Variants in COPG2 observed in about 807,000 individuals in gnomAD.
COPG2 encodes the protein coat protein complex I subunit gamma 2, also known as coatomer subunit gamma-2.
In COPG2, 37 loss-of-function variants were observed where a neutral mutation model predicts 46.3. The ratio of observed to expected loss-of-function variants is 0.80; its 90% CI spans 0.61 to 1.05. The LOEUF (loss-of-function observed/expected upper bound fraction) is 1.05. COPG2 is among the 50% of genes least tolerant of loss of function. The pLI, the probability that COPG2 is intolerant of heterozygous loss-of-function variation, is 0.00. For missense variants in COPG2, 427 were observed against 387.8 expected (o/e 1.10, Z -0.85); for synonymous variants, 159 against 129.7 (o/e 1.23, Z -1.53).
intron 9 of COPG2, among the ~76,000 whole-genome samples, chr7:130,601,689 A>G (rs1376269347): frequency 6.6e-6 from 1 of 152,204 alleles, no homozygotes; most frequent in African/African-American, 2.4e-5. Context: ...GGGGAGGGAT[A>G]GCGTTAGGAG....
intron 9 of COPG2, among the ~76,000 whole-genome samples, chr7:130,585,516 G>C (rs1554447859): frequency 6.6e-6 from 1 of 152,002 alleles, no homozygotes; most frequent in East Asian, 1.9e-4. Flanking sequence ...GGAACAGTCA[G>C]CAGAGTAAAG....
At chr7:130,592,223 C>T (rs1432096520) in intron 9 of COPG2, among the ~76,000 whole-genome samples, 2 of 151,970 alleles carry the variant, frequency 1.3e-5, no homozygotes, top group Admixed American at 6.6e-5. Flanking sequence ...TAAGAGTCAT[C>T]GCCACTCCCT....
chr7:130,539,768 G>A (rs1799918189), intron 20 of COPG2, among the ~76,000 whole-genome samples: 1 of 152,196 alleles, frequency 6.6e-6, no homozygotes, highest in African/African-American at 2.4e-5. Context: ...ATGGAGGGCA[G>A]AAAGCATGGT....
At position 130,597,474 on chromosome 7, in the gene COPG2, A is replaced by G. The variant is rs1452989163; in HGVS notation, c.737+13479T>C. ...TCCATGTGTTGTACCCCTGAGGAAA[A>G]GCAGTGTATTTGGGCACAGGCCCAG... On this transcript the variant is annotated intron_variant, in intron 9 of 23. Coordinates refer to ENST00000425248, the MANE Select transcript of COPG2 (RefSeq NM_012133.6). Among the ~76,000 whole-genome samples the G allele has an allele frequency of 2.6e-5, 4 of 152,208 alleles. No homozygotes were observed. In the East Asian group the frequency reaches 5.8e-4, roughly 22 times the overall value.
chr7:130,607,478 C>T (rs782003532), intron 9 of COPG2: 8 of 441,370 alleles, frequency 1.8e-5, no homozygotes, highest in Non-Finnish European at 3.6e-5. Context: ...GACTCTAGAA[C>T]TCATGGAGTT....
intron 9 of COPG2, among the ~76,000 whole-genome samples, chr7:130,582,960 T>C (rs1584983119): frequency 1.3e-5 from 2 of 151,642 alleles, no homozygotes; most frequent in South Asian, 2.1e-4. Context: ...GGATCTAGAA[T>C]TAGAAATACC....
chr7:130,594,027 CAT>C (rs1427142125), intron 9 of COPG2, among the ~76,000 whole-genome samples: 4 of 151,946 alleles, frequency 2.6e-5, no homozygotes, highest in Non-Finnish European at 4.4e-5. Context: ...ACTTGCAACA[CAT>C]ACAATCAACA....
intron 3 of COPG2, among the ~76,000 whole-genome samples, chr7:130,665,659 G>C (rs1554461334): frequency 1.3e-5 from 2 of 151,974 alleles, no homozygotes; most frequent in African/African-American, 4.8e-5. Context: ...GATATGTGTA[G>C]GTTATATGCA....
intron 5 of COPG2, among the ~76,000 whole-genome samples, chr7:130,649,616 T>C (rs1434467335): frequency 6.6e-6 from 1 of 152,198 alleles, no homozygotes; most frequent in Non-Finnish European, 1.5e-5. Flanking sequence ...TTTAATGCAT[T>C]TCCACCATCT....
intron 20 of COPG2, among the ~76,000 whole-genome samples, chr7:130,540,163 G>A (rs1377897919): frequency 6.6e-6 from 1 of 152,006 alleles, no homozygotes; most frequent in African/African-American, 2.4e-5. Context: ...GGGGAGAATC[G>A]AGCCAAGTTC....
chr7:130,649,700 TAATA>T (rs1795698244), intron 5 of COPG2, among the ~76,000 whole-genome samples: 1 of 152,244 alleles, frequency 6.6e-6, no homozygotes, highest in Non-Finnish European at 1.5e-5. Flanking sequence ...TTTCTAAGTC[TAATA>T]GAGTCATTAA....
At chr7:130,532,884 A>C (rs1398217352) in intron 20 of COPG2, among the ~76,000 whole-genome samples, 4 of 152,228 alleles carry the variant, frequency 2.6e-5, no homozygotes, top group Admixed American at 2.6e-4. Flanking sequence ...CACACCTGAG[A>C]ACATGAATTA....
At chr7:130,570,999 G>A (rs929742179) in intron 9 of COPG2, among the ~76,000 whole-genome samples, 2 of 152,194 alleles carry the variant, frequency 1.3e-5, no homozygotes, top group African/African-American at 4.8e-5. Context: ...CTAGCCATGC[G>A]TAGGAGAATG....
chr7:130,575,446 C>T (rs1040433720), intron 9 of COPG2, among the ~76,000 whole-genome samples: 5 of 152,052 alleles, frequency 3.3e-5, no homozygotes, highest in South Asian at 2.1e-4. Flanking sequence ...TGGTATCCAG[C>T]GAAACTAAGC....
chr7:130,640,707 G>A (rs1054756011), intron 5 of COPG2, among the ~76,000 whole-genome samples: 1 of 152,154 alleles, frequency 6.6e-6, no homozygotes, highest in Admixed American at 6.6e-5. Flanking sequence ...AAAAGAGAAG[G>A]GAAGTAGGAG....
Position 130,513,311 on chromosome 7 carries a change from AT to A in COPG2, c.2150-4653del, listed in dbSNP as rs1563034021. On this transcript the variant is annotated intron_variant, in intron 20 of 23. Coordinates refer to ENST00000425248, the MANE Select transcript of COPG2 (RefSeq NM_012133.6). The stretch of plus-strand genomic sequence containing the variant: ...TGTCTAAAAAAAAAAAAAAAAAAAT[AT>A]ATATATATATATATATATATATATA... Among the ~76,000 whole-genome samples, 91 of 42,144 alleles carry A rather than the reference AT, an allele frequency of 2.2e-3. 1 individual carries two copies. Among genetic ancestry groups the A allele is most frequent in the South Asian group, 7.4e-3 (8 of 1,086 alleles). The allele number at this position is 42,144 out of a possible 152,430, so 27.6% of individuals were successfully genotyped here.
chr7:130,595,461 A>G (rs1270265578), intron 9 of COPG2, among the ~76,000 whole-genome samples: 2 of 152,206 alleles, frequency 1.3e-5, no homozygotes, highest in African/African-American at 4.8e-5. Flanking sequence ...TTGTGAATAT[A>G]CTAAAAATTA....
At chr7:130,618,082 C>T (rs1395621185) in intron 5 of COPG2, among the ~76,000 whole-genome samples, 2 of 106,976 alleles carry the variant, frequency 1.9e-5, no homozygotes, top group African/African-American at 3.7e-5. Flanking sequence ...ACCTGGGTGA[C>T]AGAGTGAGAC....
rs566513934 is a variant in COPG2 at position 130,658,414 on chromosome 7, G to A, written c.243+4553C>T. Among the ~76,000 whole-genome samples the A allele has an allele frequency of 3.3e-5, 5 of 152,226 alleles. No homozygotes were observed. The East Asian group carries it at 7.7e-4, about 24-fold the overall frequency. On this transcript the variant is annotated intron_variant, in intron 4 of 23. Transcript: ENST00000425248. Reference sequence around the variant, plus strand: ...GGAGAAACAGATGATAAAGAGACACGGGGGAACTTTTTGAGGAGATGGAAA... The same window carrying A: ...GGAGAAACAGATGATAAAGAGACACAGGGGAACTTTTTGAGGAGATGGAAA...
Sources: gnomAD v4.1 joint callset for allele counts (sites outside exome capture counted in the v4.1 genomes callset) on GRCh38, gnomAD v4.1.1 for gene constraint, MANE v1.5 for transcripts, NCBI Gene and HGNC (gene_info 2026-07-23, HGNC 2026-07-21) for gene names.